Variants in GXYLT2 observed in about 807,000 individuals in gnomAD.
The protein encoded by GXYLT2 is glucoside xylosyltransferase 2.
In GXYLT2, 53 loss-of-function variants were observed where a neutral mutation model predicts 45.8. The observed-to-expected ratio is 1.16, with a 90% CI of 0.93 to 1.46. GXYLT2 has a LOEUF of 1.46. GXYLT2 is among the 40% of genes most tolerant of loss of function. The pLI, the probability that GXYLT2 is intolerant of heterozygous loss-of-function variation, is 0.00. For missense variants in GXYLT2, 551 were observed against 544.4 expected, an observed-to-expected ratio of 1.01 and a Z score of -0.12; for synonymous variants, 219 against 214.2, an observed-to-expected ratio of 1.02 and a Z score of -0.19.
intron 5 of GXYLT2, 149 bp downstream of exon 5, chr3:72,957,501 C>T (rs1468386956): frequency 2.7e-6 from 2 of 754,018 alleles, no homozygotes; most frequent in Non-Finnish European, 4.1e-6. Flanking sequence ...TTTCATCCGC[C>T]CCCCTGGGTA....
At chr3:72,952,741 T>C (rs565130015) in intron 3 of GXYLT2, among the ~76,000 whole-genome samples, 95 of 152,028 alleles carry the variant, frequency 6.2e-4, no homozygotes, top group African/African-American at 2.2e-3. Flanking sequence ...CTCTCTGGTG[T>C]CTCTTCTTAT....
intron 2 of GXYLT2, among the ~76,000 whole-genome samples, chr3:72,915,607 C>T (rs1460299015): frequency 3.3e-5 from 5 of 151,972 alleles, no homozygotes; most frequent in Admixed American, 3.3e-4. Context: ...GAGGCCAAGG[C>T]GGGCGGATCA....
chr3:72,940,198 CGTGT>C (rs1429565998), intron 3 of GXYLT2, among the ~76,000 whole-genome samples: 16 of 152,036 alleles, frequency 1.1e-4, no homozygotes, highest in Admixed American at 1.0e-3. Context: ...TGTATGTGTT[CGTGT>C]GTGTTTATAA....
At chr3:72,925,548 T>A (rs1311103841) in intron 3 of GXYLT2, among the ~76,000 whole-genome samples, 1 of 152,056 alleles carries the variant, frequency 6.6e-6, no homozygotes, top group Non-Finnish European at 1.5e-5. Context: ...CACGAAAATC[T>A]CTAGGTTGGT....
intron 3 of GXYLT2, among the ~76,000 whole-genome samples, chr3:72,946,615 T>A (rs1347179380): frequency 2.0e-5 from 3 of 152,086 alleles, no homozygotes; most frequent in Non-Finnish European, 4.4e-5. Flanking sequence ...GTGGAAGGGG[T>A]GAGAGAGCTC....
chr3:72,968,284 T>C (rs950343037), intron 6 of GXYLT2, among the ~76,000 whole-genome samples: 1 of 152,210 alleles, frequency 6.6e-6, no homozygotes, highest in African/African-American at 2.4e-5. Flanking sequence ...GGAAATTTCA[T>C]GTCACAAAGA....
chr3:72,925,832 A>T (rs187329872), intron 3 of GXYLT2, among the ~76,000 whole-genome samples: 76 of 152,342 alleles, frequency 5.0e-4, no homozygotes, highest in African/African-American at 1.8e-3. Context: ...TTTGAATGAC[A>T]AATGGGTGCT....
At chr3:72,893,329 ATC>A (rs1297059884) in intron 1 of GXYLT2, among the ~76,000 whole-genome samples, 1 of 152,270 alleles carries the variant, frequency 6.6e-6, no homozygotes, top group African/African-American at 2.4e-5. Context: ...AGCAGCATGC[ATC>A]TCTCTGTGCT....
At chr3:72,969,924 A>C (rs1559753979) in intron 6 of GXYLT2, among the ~76,000 whole-genome samples, 3 of 150,556 alleles carry the variant, frequency 2.0e-5, no homozygotes, top group South Asian at 2.1e-4. Context: ...AAAAAAAACA[A>C]AAACATTTAA....
intron 5 of GXYLT2, among the ~76,000 whole-genome samples, chr3:72,964,105 C>T (rs982022716): frequency 2.0e-5 from 3 of 152,066 alleles, no homozygotes; most frequent in Non-Finnish European, 2.9e-5. Flanking sequence ...CCACCATGCC[C>T]GGCCTTGGCT....
chr3:72,919,712 G>A (rs150991826), intron 2 of GXYLT2, among the ~76,000 whole-genome samples: 4,627 of 152,284 alleles, frequency 0.03, 216 homozygotes, highest in African/African-American at 0.1. Context: ...CTGAGATTGC[G>A]CCATTGCACT....
chr3:72,911,328 C>G (rs143219953), intron 2 of GXYLT2, among the ~76,000 whole-genome samples: 1 of 151,972 alleles, frequency 6.6e-6, no homozygotes, highest in African/African-American at 2.4e-5. Context: ...AAGATGTATA[C>G]GTGCAACCAT....
chr3:72,974,947 T>G (rs766261192), intron 6 of GXYLT2, 30 bp from the exon 7 acceptor site: 5 of 1,505,960 alleles, frequency 3.3e-6, no homozygotes, highest in Non-Finnish European at 4.5e-6. Flanking sequence ...TTTCCGTTAC[T>G]AAATAAACTT....
chr3:72,967,757 T>C lies in GXYLT2; in HGVS notation c.1149+38T>C. 7 of 1,582,642 alleles carry C rather than the reference T, an allele frequency of 4.4e-6. No homozygotes were observed. The African/African-American group carries it at 8.1e-5, about 18-fold the overall frequency. Reference sequence around the variant, plus strand: ...TTGCTGCTGTTAGCAGATGTGCTTATCAGCATGAAGCAATATTGGCGCTTT... The same window carrying C: ...TTGCTGCTGTTAGCAGATGTGCTTACCAGCATGAAGCAATATTGGCGCTTT... On this transcript the variant is annotated intron_variant, in intron 6 of 6. Coordinates refer to ENST00000389617, the MANE Select transcript of GXYLT2 (RefSeq NM_001080393.2).
intron 5 of GXYLT2, 90 bp downstream of exon 5, chr3:72,957,442 G>A: frequency 7.6e-7 from 1 of 1,320,584 alleles, no homozygotes; most frequent in Non-Finnish European, 1.0e-6. Context: ...CTATTGACTA[G>A]GCTTGAATTG....
At chr3:72,911,185 G>A (rs138165665) in intron 2 of GXYLT2, among the ~76,000 whole-genome samples, 1,582 of 152,232 alleles carry the variant, frequency 0.01, 32 homozygotes, top group African/African-American at 0.037. Flanking sequence ...CAGCTACTCA[G>A]GAGGTTGAGG....
At chr3:72,936,727 T>G (rs555987866) in intron 3 of GXYLT2, among the ~76,000 whole-genome samples, 42 of 152,120 alleles carry the variant, frequency 2.8e-4, no homozygotes, top group African/African-American at 1.0e-3. Context: ...GGAAAAACAC[T>G]TGTACAGAGA....
At chr3:72,974,201 A>G (rs1711047834) in intron 6 of GXYLT2, among the ~76,000 whole-genome samples, 1 of 152,220 alleles carries the variant, frequency 6.6e-6, no homozygotes, top group South Asian at 2.1e-4. Flanking sequence ...AAGTGGTCTG[A>G]AAGATTTATT....
chr3:72,944,266 T>TC (rs1710360240), intron 3 of GXYLT2, among the ~76,000 whole-genome samples: 1 of 150,602 alleles, frequency 6.6e-6, no homozygotes, highest in African/African-American at 2.4e-5. Context: ...TTTTTTTCTT[T>TC]TTTTTTTTGA....
Sources: gnomAD v4.1 joint callset for allele counts (sites outside exome capture counted in the v4.1 genomes callset) on GRCh38, gnomAD v4.1.1 for gene constraint, MANE v1.5 for transcripts, NCBI Gene and HGNC (gene_info 2026-07-23, HGNC 2026-07-21) for gene names.